Variants in NLRP4 observed in about 807,000 individuals in gnomAD.
NLRP4 encodes the protein NACHT, LRR and PYD domains-containing protein 4.
In NLRP4, 44 loss-of-function variants were observed where a neutral mutation model predicts 84.7. The ratio of observed to expected loss-of-function variants is 0.52; its 90% CI spans 0.41 to 0.67. The LOEUF (loss-of-function observed/expected upper bound fraction) is 0.67, where lower values mean the gene tolerates loss of function less well. NLRP4 is among the 30% of genes least tolerant of loss of function. The pLI is 0.00. For synonymous variants in NLRP4, 544 were observed against 476.4 expected (o/e 1.14, Z -1.85); for missense variants, 1,260 against 1,219.4 (o/e 1.03, Z -0.50).
intron 5 of NLRP4, among the ~76,000 whole-genome samples, chr19:55,863,414 C>A (rs1380133809): frequency 6.6e-6 from 1 of 152,064 alleles, no homozygotes; most frequent in Admixed American, 6.6e-5. Flanking sequence ...AGGAAACTTA[C>A]AATGGTGGCA....
chr19:55,877,249 T>C, intron 8 of NLRP4, 83 bp downstream of exon 8: 1 of 1,298,028 alleles, frequency 7.7e-7, no homozygotes, highest in South Asian at 1.3e-5. Flanking sequence ...AGATGAAAAC[T>C]CCAACAGGAC....
chr19:55,866,474 A>G (rs1473732991), intron 5 of NLRP4, among the ~76,000 whole-genome samples: 1 of 152,180 alleles, frequency 6.6e-6, no homozygotes, highest in African/African-American at 2.4e-5. Context: ...AATGGCTTTC[A>G]TCTTTATTCT....
chr19:55,863,351 A>G (rs142949710), intron 5 of NLRP4, among the ~76,000 whole-genome samples: 354 of 152,316 alleles, frequency 2.3e-3, no homozygotes, highest in Non-Finnish European at 3.9e-3. Context: ...AAAGAGGTGT[A>G]ATTGGCTTAT....
intron 7 of NLRP4, among the ~76,000 whole-genome samples, chr19:55,875,767 G>A (rs1366191704): frequency 6.6e-6 from 1 of 151,932 alleles, no homozygotes; most frequent in Non-Finnish European, 1.5e-5. Context: ...GGTGGCTCAC[G>A]CCTGTAATCT....
At chr19:55,856,793 C>G (rs766623610) in intron 2 of NLRP4, among the ~76,000 whole-genome samples, 1 of 152,132 alleles carries the variant, frequency 6.6e-6, no homozygotes, top group Non-Finnish European at 1.5e-5. Flanking sequence ...GGATTACAGG[C>G]ATGAACCACT....
chr19:55,851,673 AGGCTGCGGTGTAATGTCCG>A (rs1568660079), intron 1 of NLRP4, among the ~76,000 whole-genome samples: 4 of 93,578 alleles, frequency 4.3e-5, no homozygotes, highest in Non-Finnish European at 7.2e-5. Flanking sequence ...GTAATGTCCG[AGGCTGCGGTGTAATGTCCG>A]AGGCTGCGGT....
intron 1 of NLRP4, among the ~76,000 whole-genome samples, chr19:55,850,808 T>TGCGGTGTACTTC (rs1984083032): frequency 3.3e-5 from 1 of 30,486 alleles, no homozygotes; most frequent in Non-Finnish European, 5.0e-5. Flanking sequence ...CGGTGTAATT[T>TGCGGTGTACTTC]CCGAGGCTGC....
chr19:55,842,295 G>T (rs564879559), intron 1 of NLRP4, among the ~76,000 whole-genome samples: 3 of 152,266 alleles, frequency 2.0e-5, no homozygotes, highest in African/African-American at 7.2e-5. Flanking sequence ...ACTAATAAGA[G>T]TTCGAGTTGA....
At chr19:55,876,586 C>T (rs1158956350) in intron 7 of NLRP4, among the ~76,000 whole-genome samples, 3 of 152,072 alleles carry the variant, frequency 2.0e-5, no homozygotes, top group Non-Finnish European at 2.9e-5. Flanking sequence ...TGGTCTGGAA[C>T]TTCTGACCTC....
chr19:55,871,068 T>G, intron 7 of NLRP4, 71 bp downstream of exon 7: 1 of 1,354,370 alleles, frequency 7.4e-7, no homozygotes, highest in Admixed American at 1.8e-5. Context: ...GAATGGGGCA[T>G]CTGGAATTGA....
At chr19:55,849,506 G>A (rs1326863592) in intron 1 of NLRP4, among the ~76,000 whole-genome samples, 1 of 152,176 alleles carries the variant, frequency 6.6e-6, no homozygotes, top group Non-Finnish European at 1.5e-5. Flanking sequence ...CCTTCCTGAT[G>A]AAGACTTTCT....
intron 7 of NLRP4, among the ~76,000 whole-genome samples, chr19:55,875,607 A>G (rs1220082949): frequency 6.6e-6 from 1 of 152,178 alleles, no homozygotes; most frequent in Non-Finnish European, 1.5e-5. Flanking sequence ...AGTTGAATTC[A>G]TTTGCTTTCA....
rs574277641 is a variant in NLRP4, at chr19:55,847,905, T to C, written c.-65-4111T>C. ...AATTTTTTAATATTTTTAGTAGAGA[T>C]GGGGTTTCACCATCTTGGTCAGGCT... On this transcript the variant is annotated intron_variant, in intron 1 of 9. Coordinates refer to ENST00000301295, the MANE Select transcript of NLRP4 (RefSeq NM_134444.5). Among the ~76,000 whole-genome samples the C allele has an allele frequency of 1.8e-3, 274 of 152,138 alleles. 1 individual carries two copies. The highest frequency in any genetic ancestry group is 3.4e-3 in the Non-Finnish European group (228 of 67,994).
At chr19:55,840,407 A>G (rs1983567491) in intron 1 of NLRP4, among the ~76,000 whole-genome samples, 1 of 108,830 alleles carries the variant, frequency 9.2e-6, no homozygotes, top group South Asian at 2.7e-4. Context: ...TTTTTGAGAC[A>G]GAGTCTTGCT....
chr19:55,837,607 A>AACACACCACACACACACACACACACAC (rs1983401392), intron 1 of NLRP4, among the ~76,000 whole-genome samples: 13 of 151,470 alleles, frequency 8.6e-5, no homozygotes, highest in Admixed American at 8.6e-4. Flanking sequence ...CAACCCTAAA[A>AACACACCACACACACACACACACACAC]ACACACACAC....
Position 55,871,114 on chromosome 19 carries a change from G to C in NLRP4, c.2525+117G>C, listed in dbSNP as rs370891355. 8.1e-4 allele frequency: 682 copies of C among 845,112 alleles called. 8 individuals carry two copies. The South Asian group carries it at 0.012, about 15-fold the overall frequency. The allele number at this position is 845,112 out of a possible 1,614,324, so 52.4% of individuals were successfully genotyped here. On this transcript the variant is annotated intron_variant, in intron 7 of 9. Coordinates refer to ENST00000301295, the MANE Select transcript of NLRP4 (RefSeq NM_134444.5). ...AGTGTCTGTGCCTGGGCATGTGAAG[G>C]TTTAAAAAATACTTGCTTCAGATTC...
At chr19:55,876,775 CTA>C (rs1242010002) in intron 7 of NLRP4, among the ~76,000 whole-genome samples, 2 of 152,098 alleles carry the variant, frequency 1.3e-5, no homozygotes, top group East Asian at 1.9e-4. Flanking sequence ...TTGTTATACT[CTA>C]TTGGTTTTTT....
Position 55,867,694 on chromosome 19 carries a change from T to C in NLRP4, c.2187-15T>C. 2 of 1,609,664 alleles carry C rather than the reference T, an allele frequency of 1.2e-6. No homozygotes were observed. The highest frequency in any genetic ancestry group is 1.7e-6 in the Non-Finnish European group (2 of 1,177,340). On this transcript the variant is annotated splice_polypyrimidine_tract_variant and intron_variant, in intron 5 of 9. Coordinates refer to ENST00000301295, the MANE Select transcript of NLRP4 (RefSeq NM_134444.5). ...CTAGAAACCAACAGAATGTGACATT[T>C]TCCCTTTCCTGCAGGCTGGTAAATT...
intron 4 of NLRP4, 113 bp from the exon 5 acceptor site, chr19:55,861,879 T>C (rs1201234615): frequency 3.8e-6 from 3 of 797,226 alleles, no homozygotes; most frequent in Non-Finnish European, 6.4e-6. Context: ...GCTGTGTCAT[T>C]GGGCTGTGAA....
Sources: gnomAD v4.1 joint callset for allele counts (sites outside exome capture counted in the v4.1 genomes callset) on GRCh38, gnomAD v4.1.1 for gene constraint, MANE v1.5 for transcripts, NCBI Gene and HGNC (gene_info 2026-07-23, HGNC 2026-07-21) for gene names.